DACH2: variants seen among roughly 807,000 people sequenced by gnomAD.
DACH2 encodes the protein dachshund family transcription factor 2.
A neutral mutation model predicts 35.8 loss-of-function variants in DACH2; 17 were observed. The ratio of observed to expected loss-of-function variants is 0.48; its 90% confidence interval spans 0.33 to 0.71. The LOEUF (loss-of-function observed/expected upper bound fraction) is 0.71, where lower values mean the gene tolerates loss of function less well. Among genes scored for constraint, DACH2 ranks in the 30% least tolerant of loss-of-function variants. The probability of loss-of-function intolerance (pLI) is 0.02; values close to 1 mark genes in which losing one functional copy is unlikely to be tolerated. For synonymous variants in DACH2, 195 were observed against 177.3 expected, an observed-to-expected ratio of 1.10 and a Z score of -0.79; for missense variants, 469 against 472.7, an observed-to-expected ratio of 0.99 and a Z score of 0.07.
At chrX:86,429,364 A>G (rs1167275466) in intron 2 of DACH2, among the ~76,000 whole-genome samples, 1 of 111,275 alleles carries the variant, frequency 9.0e-6, no homozygotes, top group East Asian at 2.8e-4. Context: ...CAAGATTGAA[A>G]TGAACATATC....
At chrX:86,517,517 C>T (rs1027507017) in intron 3 of DACH2, among the ~76,000 whole-genome samples, 60 of 107,556 alleles carry the variant, frequency 5.6e-4, no homozygotes, top group Non-Finnish European at 4.8e-4. Flanking sequence ...CCTGGGCTCA[C>T]GCCATTCTCC....
intron 1 of DACH2, among the ~76,000 whole-genome samples, chrX:86,180,234 C>A (rs1048974407): frequency 4.1e-5 from 3 of 72,667 alleles, no homozygotes; most frequent in Non-Finnish European, 5.3e-5. Flanking sequence ...TGAAATAAAT[C>A]ATGATAAATC....
chrX:86,526,367 A>G (rs1311224813), intron 3 of DACH2, among the ~76,000 whole-genome samples: 1 of 111,743 alleles, frequency 8.9e-6, no homozygotes, highest in Non-Finnish European at 1.9e-5. Flanking sequence ...AAAAATTGAT[A>G]GACAATAAGG....
intron 1 of DACH2, among the ~76,000 whole-genome samples, chrX:86,355,156 A>G (rs981010634): frequency 1.8e-5 from 2 of 111,554 alleles, no homozygotes; most frequent in Admixed American, 1.9e-4. Flanking sequence ...CATACGTGGT[A>G]TTTGGTTTTT....
intron 2 of DACH2, among the ~76,000 whole-genome samples, chrX:86,460,399 A>G (rs917074524): frequency 2.7e-5 from 3 of 111,046 alleles, no homozygotes; most frequent in East Asian, 2.8e-4. Flanking sequence ...TATTATTAGT[A>G]GAATTAAATT....
At chrX:86,593,736 T>C (rs771911698) in intron 3 of DACH2, among the ~76,000 whole-genome samples, 1 of 111,450 alleles carries the variant, frequency 9.0e-6, no homozygotes, top group South Asian at 3.7e-4. Flanking sequence ...CAATATATTG[T>C]TGAATTTTAG....
chrX:86,788,069 AG>A (rs1365052959), intron 7 of DACH2, among the ~76,000 whole-genome samples: 1 of 110,905 alleles, frequency 9.0e-6, no homozygotes, highest in African/African-American at 3.3e-5. Context: ...CTGTCTGCAT[AG>A]GTAGTGGCCT....
intron 3 of DACH2, among the ~76,000 whole-genome samples, chrX:86,633,873 A>C (rs1480651796): frequency 8.9e-6 from 1 of 112,311 alleles, no homozygotes; most frequent in African/African-American, 3.2e-5. Flanking sequence ...AAACAAAAAC[A>C]ACATGACCAT....
chrX:86,520,001 G>A (rs976096086), intron 3 of DACH2, among the ~76,000 whole-genome samples: 6 of 110,889 alleles, frequency 5.4e-5, no homozygotes, highest in African/African-American at 1.3e-4. Context: ...AAGTTAGGTC[G>A]TTAATTTGAG....
intron 2 of DACH2, among the ~76,000 whole-genome samples, chrX:86,470,120 CA>C (rs1334943199): frequency 9.0e-6 from 1 of 111,133 alleles, no homozygotes; most frequent in Non-Finnish European, 1.9e-5. Flanking sequence ...GGGTGCTTAT[CA>C]GCAGAGTATC....
chrX:86,637,823 G>A (rs749159629), intron 3 of DACH2, among the ~76,000 whole-genome samples: 8 of 110,892 alleles, frequency 7.2e-5, no homozygotes, highest in Middle Eastern at 9.3e-3. Context: ...ACAAACCCTC[G>A]TGACACAAAT....
intron 2 of DACH2, among the ~76,000 whole-genome samples, chrX:86,464,509 G>A (rs1310732472): frequency 1.8e-5 from 2 of 110,037 alleles, no homozygotes; most frequent in Non-Finnish European, 3.8e-5. Context: ...TCACACACTA[G>A]GGCCTGTCAG....
At chrX:86,397,560 G>A (rs1169589918) in intron 2 of DACH2, among the ~76,000 whole-genome samples, 4 of 111,410 alleles carry the variant, frequency 3.6e-5, no homozygotes, top group South Asian at 3.8e-4. Flanking sequence ...TTTGAGATAC[G>A]TCCCATCAAT....
chrX:86,518,768 T>C (rs1380969360), intron 3 of DACH2, among the ~76,000 whole-genome samples: 2 of 111,937 alleles, frequency 1.8e-5, no homozygotes, highest in Non-Finnish European at 3.8e-5. Flanking sequence ...TGTGCTGAAG[T>C]TGTTTATCAG....
At chrX:86,518,386 T>A (rs1263482070) in intron 3 of DACH2, among the ~76,000 whole-genome samples, 1 of 111,986 alleles carries the variant, frequency 8.9e-6, no homozygotes, top group Non-Finnish European at 1.9e-5. Flanking sequence ...TGGGCTCTTT[T>A]TTGGTTCCAG....
At chrX:86,402,283 A>G (rs1393802007) in intron 2 of DACH2, among the ~76,000 whole-genome samples, 2 of 111,855 alleles carry the variant, frequency 1.8e-5, no homozygotes, top group South Asian at 3.7e-4. Context: ...TACATTGAAA[A>G]CTCTAAAGAG....
intron 3 of DACH2, among the ~76,000 whole-genome samples, chrX:86,562,654 G>T (rs1480571094): frequency 9.0e-6 from 1 of 111,568 alleles, no homozygotes; most frequent in East Asian, 2.8e-4. Flanking sequence ...TTGTGTGTAT[G>T]TATAAAACTT....
chrX:86,738,366 G>T (rs2041618372), intron 6 of DACH2, among the ~76,000 whole-genome samples: 2 of 111,368 alleles, frequency 1.8e-5, no homozygotes, highest in African/African-American at 6.5e-5. Flanking sequence ...TTTTTAGGGG[G>T]GTTATTTGGG....
At chrX:86,808,559 G>A (rs2042366206) in intron 7 of DACH2, among the ~76,000 whole-genome samples, 1 of 109,096 alleles carries the variant, frequency 9.2e-6, no homozygotes, top group African/African-American at 3.3e-5. Flanking sequence ...ACAGCAGTTG[G>A]TCATTTTATT....
Sources: allele counts gnomAD v4.1 joint callset (sites outside exome capture counted in the v4.1 genomes callset), GRCh38; gene constraint gnomAD v4.1.1; transcripts MANE v1.5; gene names NCBI Gene and HGNC (gene_info 2026-07-23, HGNC 2026-07-21).